Variants in ITGA11 observed in about 807,000 individuals in gnomAD.
ITGA11 encodes the protein integrin alpha-11.
ITGA11 carries 97 observed loss-of-function variants against 141.9 expected under a neutral mutation model. That is an observed-to-expected ratio of 0.68 (90% CI 0.58 to 0.81). The LOEUF (loss-of-function observed/expected upper bound fraction) is 0.81. Among genes scored for constraint, ITGA11 ranks in the 30% least tolerant of loss-of-function variants. ITGA11 has a pLI of 0.00. For missense variants in ITGA11, 1,387 were observed against 1,559.2 expected (o/e 0.89, Z 1.86); for synonymous variants, 658 against 624.6 (o/e 1.05, Z -0.80).
At chr15:68,342,271 G>T (rs190654618) in intron 10 of ITGA11, among the ~76,000 whole-genome samples, 17 of 152,210 alleles carry the variant, frequency 1.1e-4, no homozygotes, top group Non-Finnish European at 2.2e-4. Flanking sequence ...TGCAGGCCTC[G>T]CACTGGCTTC....
At chr15:68,398,892 C>G (rs1007182530) in intron 2 of ITGA11, among the ~76,000 whole-genome samples, 5 of 149,906 alleles carry the variant, frequency 3.3e-5, no homozygotes, top group Non-Finnish European at 7.4e-5. Flanking sequence ...TATTTCAAAG[C>G]ATTATTGAGA....
In ITGA11 at chr15:68,350,783, C is replaced by T; in HGVS notation, c.895-1G>A. Reference sequence around the variant, plus strand: ...CCCTGCGGTTGTAGTAGCCCAGGACCTGCCAGGGAACAGGGGCAGGAACCA... The same window carrying T: ...CCCTGCGGTTGTAGTAGCCCAGGACTTGCCAGGGAACAGGGGCAGGAACCA... On this transcript the variant is annotated splice_acceptor_variant, in intron 8 of 29. Transcript: ENST00000315757. LOFTEE classifies it high-confidence loss of function. 1.2e-6 allele frequency: 2 copies of T among 1,611,252 alleles called. No homozygotes were observed. Among genetic ancestry groups the T allele is most frequent in the Non-Finnish European group, 8.5e-7 (1 of 1,178,448 alleles).
chr15:68,337,039 T>C (rs1595865781), intron 11 of ITGA11, among the ~76,000 whole-genome samples: 2 of 152,122 alleles, frequency 1.3e-5, no homozygotes, highest in South Asian at 2.1e-4. Flanking sequence ...ATCATAAATA[T>C]ATGGGTGGGT....
At chr15:68,400,944 A>ATT in intron 2 of ITGA11, among the ~76,000 whole-genome samples, 2 of 93,170 alleles carry the variant, frequency 2.1e-5, no homozygotes, top group African/African-American at 8.2e-5. Context: ...TTATATAATA[A>ATT]ATATTATAAT....
At chr15:68,376,801 G>A (rs1895739394) in intron 2 of ITGA11, among the ~76,000 whole-genome samples, 1 of 152,208 alleles carries the variant, frequency 6.6e-6, no homozygotes, top group African/African-American at 2.4e-5. Flanking sequence ...GAGGGGCAGT[G>A]GTTTCCACAC....
chr15:68,382,068 T>C (rs556091184), intron 2 of ITGA11, among the ~76,000 whole-genome samples: 1 of 152,306 alleles, frequency 6.6e-6, no homozygotes, highest in East Asian at 1.9e-4. Context: ...GTCTTTTCTG[T>C]CTGGTTCAAA....
intron 9 of ITGA11, among the ~76,000 whole-genome samples, chr15:68,350,210 G>C (rs1442160735): frequency 6.6e-6 from 1 of 152,130 alleles, no homozygotes; most frequent in African/African-American, 2.4e-5. Flanking sequence ...TTGGGGACAG[G>C]GTCTGGCTCT....
At chr15:68,407,262 C>G (rs1896671037) in intron 1 of ITGA11, among the ~76,000 whole-genome samples, 2 of 152,058 alleles carry the variant, frequency 1.3e-5, no homozygotes, top group Non-Finnish European at 2.9e-5. Context: ...AGACAGAGCC[C>G]CAACCTCACT....
intron 1 of ITGA11, among the ~76,000 whole-genome samples, chr15:68,423,613 G>T (rs919461473): frequency 5.9e-5 from 9 of 152,146 alleles, no homozygotes; most frequent in Non-Finnish European, 1.2e-4. Context: ...TCAACCCAAT[G>T]GTTGTAGAGA....
At chr15:68,310,022 C>T (rs953694260) in intron 26 of ITGA11, among the ~76,000 whole-genome samples, 24 of 152,164 alleles carry the variant, frequency 1.6e-4, no homozygotes, top group Non-Finnish European at 2.9e-4. Flanking sequence ...AAGGTGGACG[C>T]CTAATGATTT....
At chr15:68,369,803 C>A (rs922989214) in intron 2 of ITGA11, among the ~76,000 whole-genome samples, 6 of 152,202 alleles carry the variant, frequency 3.9e-5, no homozygotes, top group African/African-American at 1.4e-4. Flanking sequence ...AGCCAGTGGG[C>A]GGAAGCTGCC....
chr15:68,356,265 TG>T (rs67893262), intron 7 of ITGA11, among the ~76,000 whole-genome samples: 3,857 of 148,184 alleles, frequency 0.026, 61 homozygotes, highest in South Asian at 0.036. Context: ...CCGGCTAATT[TG>T]TTTTTTTTTT....
At chr15:68,418,566 C>CG in intron 1 of ITGA11, among the ~76,000 whole-genome samples, 1 of 100,780 alleles carries the variant, frequency 9.9e-6, no homozygotes, top group East Asian at 3.4e-4. Context: ...TTTCTTTACC[C>CG]ACCCCCCCAC....
intron 3 of ITGA11, among the ~76,000 whole-genome samples, 200 bp downstream of exon 3, chr15:68,368,984 T>A (rs1045768053): frequency 1.2e-4 from 18 of 151,702 alleles, no homozygotes; most frequent in African/African-American, 4.1e-4. Context: ...CCTGGCAAGC[T>A]GTGTGACTGT....
chr15:68,320,265 T>A lies in ITGA11; in HGVS notation c.2536A>T (p.Asn846Tyr), dbSNP rs1893753886. The change falls in exon 20 of 30, where the codon AAC becomes TAC. Residue 846 changes from asparagine (N) to tyrosine (Y), a missense_variant. Transcript: ENST00000315757. ...GTGCTGTAGGCGTTCTCGCCCCTGT[T>A]CTCCAGTGTGGCCTCCACCGCCACT... ...QRVAVEATLE[N>Y]RGENAYSTVL... The A allele has an allele frequency of 6.2e-7, 1 of 1,614,048 alleles. No individual in the cohort carries two copies. Among genetic ancestry groups the A allele is most frequent in the East Asian group, 2.2e-5 (1 of 44,890 alleles).
At chr15:68,409,830 A>G in intron 1 of ITGA11, among the ~76,000 whole-genome samples, 1 of 152,234 alleles carries the variant, frequency 6.6e-6, no homozygotes, top group East Asian at 1.9e-4. Context: ...GCAACTGGCC[A>G]AGGTCATACA....
rs992307553 is a variant in ITGA11, at chr15:68,396,956, T to A, written c.164+5962A>T. Among the ~76,000 whole-genome samples, 17 of 6,142 alleles carry A rather than the reference T, an allele frequency of 2.8e-3. 4 individuals are homozygous for A. Among genetic ancestry groups the A allele is most frequent in the South Asian group, 0.016 (2 of 124 alleles). The allele number at this position is 6,142 out of a possible 152,430, so 4.0% of individuals were successfully genotyped here. On this transcript the variant is annotated intron_variant, in intron 2 of 29. Coordinates refer to ENST00000315757, the MANE Select transcript of ITGA11 (RefSeq NM_001004439.2). ...TATATAATATATTATATATTATTTA[T>A]TATATAATAAATAATATATTATATA...
rs1555444379 is a variant in ITGA11, at chr15:68,297,453, T to TA, written c.*5605dup. ...TGAGCTTTTTTTTTTTTTTTTTTTT[T>TA]ATCCAAAAGAAAGCTATGTCTGGTT... On this transcript the variant is annotated 3_prime_UTR_variant, in exon 30 of 30. Transcript: ENST00000315757. 50 of 149,164 alleles carry TA rather than the reference T, an allele frequency of 3.4e-4. No homozygotes were observed. The highest frequency in any genetic ancestry group is 1.1e-3 in the African/African-American group (43 of 40,264). 9.2% of individuals were successfully genotyped at this position (149,164 alleles called of 1,614,324 possible).
intron 5 of ITGA11, 38 bp downstream of exon 5, chr15:68,361,552 A>C (rs1895243629): frequency 7.3e-7 from 1 of 1,377,856 alleles, no homozygotes; most frequent in Admixed American, 1.9e-5. Context: ...TGGACTGTCC[A>C]CTGCTCAGCT....
Sources: allele counts gnomAD v4.1 joint callset (sites outside exome capture counted in the v4.1 genomes callset), GRCh38; gene constraint gnomAD v4.1.1; transcripts MANE v1.5; gene names NCBI Gene and HGNC (gene_info 2026-07-23, HGNC 2026-07-21).